The following PLB1 variants were observed in gnomAD, a reference collection of about 807,000 sequenced individuals.
PLB1 encodes phospholipase B1.
Under a neutral mutation model 227.4 loss-of-function variants are expected in PLB1, and 242 were observed. The ratio of observed to expected loss-of-function variants is 1.06; its 90% CI spans 0.96 to 1.18. The LOEUF (loss-of-function observed/expected upper bound fraction) is 1.18, where lower values mean the gene tolerates loss of function less well. PLB1 is among the 50% of genes most tolerant of loss of function. PLB1 has a pLI of 0.00. For synonymous variants in PLB1, 757 were observed against 682.2 expected, an observed-to-expected ratio of 1.11 and a Z score of -1.71; for missense variants, 1,858 against 1,816.3, an observed-to-expected ratio of 1.02 and a Z score of -0.42.
rs1262547339 is a variant in PLB1 at position 28,516,716 on chromosome 2, A to C, written c.56-92A>C. On this transcript the variant is annotated intron_variant, in intron 1 of 57. Coordinates refer to ENST00000327757, the MANE Select transcript of PLB1 (RefSeq NM_153021.5). ...GTGGACATTACTGAGCTGGGCACAC[A>C]GATATGGCTAGGAGGAAGGGCATGA... 2.6e-6 allele frequency: 3 copies of C among 1,136,434 alleles called. No homozygotes were observed. The East Asian group carries it at 7.1e-5, about 27-fold the overall frequency. 70.4% of individuals were successfully genotyped at this position (1,136,434 alleles called of 1,614,324 possible).
chr2:28,538,175 GTCC>G (rs1274585800), intron 9 of PLB1, 141 bp from the exon 10 acceptor site: 6 of 919,468 alleles, frequency 6.5e-6, no homozygotes, highest in Non-Finnish European at 1.0e-5. Context: ...TGGGAATTCT[GTCC>G]TCCTTTGTGG....
chr2:28,565,128 A>G (rs1676662141), intron 18 of PLB1, 152 bp from the exon 19 acceptor site: 1 of 604,324 alleles, frequency 1.7e-6, no homozygotes, highest in Non-Finnish European at 3.0e-6. Context: ...AAGGCAGGAT[A>G]CATATGGAGA....
At chr2:28,578,881 G>A (rs150248234) in intron 22 of PLB1, among the ~76,000 whole-genome samples, 79 of 152,164 alleles carry the variant, frequency 5.2e-4, no homozygotes, top group African/African-American at 1.9e-3. Context: ...CTCCTTCCAC[G>A]CTCTTTTGGA....
intron 17 of PLB1, among the ~76,000 whole-genome samples, chr2:28,556,135 T>G (rs998446624): frequency 6.6e-6 from 1 of 152,208 alleles, no homozygotes; most frequent in African/African-American, 2.4e-5. Context: ...AGTGCTGGGA[T>G]TATAGGCATA....
At chr2:28,531,482 T>C (rs548503856) in intron 8 of PLB1, among the ~76,000 whole-genome samples, 6 of 152,164 alleles carry the variant, frequency 3.9e-5, no homozygotes. Context: ...CGGCTAATTT[T>C]GTATTTTTAA....
At chr2:28,598,823 T>C (rs1683402303) in intron 35 of PLB1, 63 bp downstream of exon 35, 1 of 1,393,714 alleles carries the variant, frequency 7.2e-7, no homozygotes, top group Non-Finnish European at 1.0e-6. Context: ...TAGTACCCTT[T>C]AAGACCATGG....
intron 53 of PLB1, among the ~76,000 whole-genome samples, chr2:28,630,008 G>A (rs980740180): frequency 2.6e-5 from 4 of 152,164 alleles, no homozygotes; most frequent in East Asian, 1.9e-4. Context: ...CTGCTCTCTC[G>A]CAGGGAACGG....
chr2:28,578,857 T>G (rs1357694589), intron 22 of PLB1, among the ~76,000 whole-genome samples: 1 of 152,192 alleles, frequency 6.6e-6, no homozygotes, highest in African/African-American at 2.4e-5. Flanking sequence ...TTCCTGGATC[T>G]TGTTCTCACC....
chr2:28,625,770 G>C (rs1247497082), intron 50 of PLB1, among the ~76,000 whole-genome samples: 1 of 152,104 alleles, frequency 6.6e-6, no homozygotes, highest in East Asian at 1.9e-4. Flanking sequence ...GGGGGACGTG[G>C]TAATCCCCTC....
At chr2:28,639,812 A>T (rs1004931954) in intron 56 of PLB1, among the ~76,000 whole-genome samples, 1 of 152,210 alleles carries the variant, frequency 6.6e-6, no homozygotes. Context: ...AAGCCACCCC[A>T]ATCACACGTG....
chr2:28,555,411 G>T (rs1437686164), intron 17 of PLB1, among the ~76,000 whole-genome samples: 19 of 151,964 alleles, frequency 1.3e-4, no homozygotes. Context: ...CAAAGTGCTG[G>T]GATTACAGGC....
chr2:28,630,709 C>A, intron 54 of PLB1, 45 bp downstream of exon 54: 1 of 1,524,416 alleles, frequency 6.6e-7, no homozygotes, highest in South Asian at 1.2e-5. Context: ...TGGGGGGCCC[C>A]CTGTACTCCA....
At position 28,525,924 on chromosome 2, in the gene PLB1, G is replaced by A; in HGVS notation, c.304G>A (p.Val102Met). The change falls in exon 6 of 58, where the codon GTG becomes ATG. Residue 102 changes from valine to methionine, a missense_variant. By Grantham distance (21) the Val-to-Met change is conservative. Coordinates refer to ENST00000327757, the MANE Select transcript of PLB1 (RefSeq NM_153021.5). ...CTGCAGGACTGAAAGGCCACAGCAG[G>A]TGTGCATGGGAGTGATGACAGGTGA... ...KQDWTERPQQ[V>M]CMGVMTVLSD... 1.2e-6 allele frequency: 2 copies of A among 1,614,126 alleles called. No individual in the cohort carries two copies. The highest frequency in any genetic ancestry group is 1.7e-6 in the Non-Finnish European group (2 of 1,180,014).
rs192278043 is a variant in PLB1 at position 28,533,537 on chromosome 2, G to T, written c.555+1343G>T. On this transcript the variant is annotated intron_variant, in intron 9 of 57. Transcript: ENST00000327757. The stretch of plus-strand genomic sequence containing the variant: ...TGACATTAACTCATGCATTTATGCA[G>T]TCACGCACTGAAGTGTTCAAGCATT... Among the ~76,000 whole-genome samples the T allele has an allele frequency of 5.9e-5, 9 of 152,330 alleles. No homozygotes were observed. The East Asian group carries it at 1.7e-3, about 29-fold the overall frequency.
intron 1 of PLB1, among the ~76,000 whole-genome samples, chr2:28,508,493 C>T (rs978207460): frequency 9.2e-5 from 14 of 152,202 alleles, no homozygotes; most frequent in African/African-American, 2.7e-4. Context: ...TCATGGTTTT[C>T]TGACTCAGCA....
intron 14 of PLB1, among the ~76,000 whole-genome samples, chr2:28,545,779 T>G (rs1673161656): frequency 6.6e-6 from 1 of 152,106 alleles, no homozygotes. Context: ...GGAAGGCAGG[T>G]GTACCTGTTC....
rs564581925 is a variant in PLB1 at position 28,535,240 on chromosome 2, T to A, written c.555+3046T>A. Among the ~76,000 whole-genome samples, 6 of 152,376 alleles carry A rather than the reference T, an allele frequency of 3.9e-5. No homozygotes were observed. The South Asian group carries it at 1.2e-3, about 32-fold the overall frequency. On this transcript the variant is annotated intron_variant, in intron 9 of 57. Coordinates refer to ENST00000327757, the MANE Select transcript of PLB1 (RefSeq NM_153021.5). ...AAACCAATAACATGATGTCCATAAA[T>A]TTAGCTAATTACAGCAACACCAGCT...
At chr2:28,591,408 C>A (rs566278161) in intron 30 of PLB1, among the ~76,000 whole-genome samples, 9 of 152,346 alleles carry the variant, frequency 5.9e-5, no homozygotes, top group African/African-American at 2.2e-4. Flanking sequence ...GAGAAATCCC[C>A]TTCCTTGTAG....
intron 20 of PLB1, among the ~76,000 whole-genome samples, chr2:28,572,128 A>G (rs967161349): frequency 6.6e-6 from 1 of 152,232 alleles, no homozygotes; most frequent in Non-Finnish European, 1.5e-5. Context: ...TCCACAGAAG[A>G]TATGCAAATG....
Sources: gnomAD v4.1 joint callset for allele counts (sites outside exome capture counted in the v4.1 genomes callset) on GRCh38, gnomAD v4.1.1 for gene constraint, MANE v1.5 for transcripts, NCBI Gene and HGNC (gene_info 2026-07-23, HGNC 2026-07-21) for gene names.